TRIO: variants seen among roughly 807,000 people sequenced by gnomAD.
TRIO encodes triple functional domain protein.
A neutral mutation model predicts 351.9 loss-of-function variants in TRIO; 58 were observed. The observed-to-expected ratio is 0.16, with a 90% CI of 0.13 to 0.21. The LOEUF (loss-of-function observed/expected upper bound fraction) is 0.21. Among genes scored for constraint, TRIO ranks in the 10% least tolerant of loss-of-function variants. The probability of loss-of-function intolerance (pLI) is 1.00; values close to 1 mark genes in which losing one functional copy is unlikely to be tolerated. For missense variants in TRIO, 3,201 were observed against 4,027.8 expected, an observed-to-expected ratio of 0.79 and a Z score of 5.56; for synonymous variants, 1,758 against 1,595.7, an observed-to-expected ratio of 1.10 and a Z score of -2.42.
At position 14,143,774 on chromosome 5, in the gene TRIO, C is replaced by G; in HGVS notation, c.49C>G (p.Pro17Ala). 9.9e-7 allele frequency: 1 copy of G among 1,011,846 alleles called. No individual in the cohort carries two copies. The highest frequency in any genetic ancestry group is 1.2e-6 in the Non-Finnish European group (1 of 849,246). 62.7% of individuals were successfully genotyped at this position (1,011,846 alleles called of 1,614,324 possible). A position where few individuals can be genotyped will look rare whatever the true frequency, so the allele number is the denominator to read the frequency against. ...GAAAPAASSG[P>A]AAAASAAGSG... ...CGCCGCCCCCGCCGCGTCCTCCGGC[C>G]CCGCCGCGGCGGCCAGCGCGGCTGG... The change falls in exon 1 of 57, where the codon CCC (proline) becomes GCC (alanine). Residue 17 changes from proline to alanine, a missense_variant. By Grantham distance (27) the Pro-to-Ala change is conservative. Coordinates refer to ENST00000344204, the MANE Select transcript of TRIO (RefSeq NM_007118.4).
chr5:14,462,199 G>A (rs921701367), intron 35 of TRIO, among the ~76,000 whole-genome samples: 15 of 152,200 alleles, frequency 9.9e-5, no homozygotes, highest in African/African-American at 3.6e-4. Flanking sequence ...ATGAGATTTT[G>A]TTGCAGTGTG....
intron 11 of TRIO, among the ~76,000 whole-genome samples, chr5:14,340,110 C>A (rs1443305754): frequency 6.6e-6 from 1 of 152,134 alleles, no homozygotes; most frequent in Non-Finnish European, 1.5e-5. Flanking sequence ...AGTAGCTTGT[C>A]TTGGCTGGGC....
intron 1 of TRIO, among the ~76,000 whole-genome samples, chr5:14,243,130 GA>G (rs1473202005): frequency 6.6e-6 from 1 of 152,122 alleles, no homozygotes; most frequent in Non-Finnish European, 1.5e-5. Flanking sequence ...AGCCAGTGAA[GA>G]ATTCCGGGCA....
chr5:14,219,719 A>G (rs1792470149), intron 1 of TRIO, among the ~76,000 whole-genome samples: 1 of 152,194 alleles, frequency 6.6e-6, no homozygotes, highest in African/African-American at 2.4e-5. Flanking sequence ...AGGCATCAGA[A>G]TCTTTGGGAT....
chr5:14,471,541 G>T, intron 38 of TRIO, 75 bp downstream of exon 38: 1 of 1,582,062 alleles, frequency 6.3e-7, no homozygotes, highest in South Asian at 1.2e-5. Flanking sequence ...AAATGTGACT[G>T]AGATTCAGCT....
chr5:14,212,067 A>T (rs1278567668), intron 1 of TRIO, among the ~76,000 whole-genome samples: 1 of 152,040 alleles, frequency 6.6e-6, no homozygotes, highest in East Asian at 1.9e-4. Context: ...TGAGCTTGGG[A>T]GTTTGAGGCT....
At chr5:14,161,882 AT>A (rs1788478273) in intron 1 of TRIO, among the ~76,000 whole-genome samples, 2 of 152,122 alleles carry the variant, frequency 1.3e-5, no homozygotes, top group Admixed American at 1.3e-4. Context: ...GCATACCACT[AT>A]GCCTGGCTAG....
intron 1 of TRIO, among the ~76,000 whole-genome samples, chr5:14,148,232 CAT>C (rs762772437): frequency 5.9e-5 from 9 of 152,120 alleles, no homozygotes; most frequent in African/African-American, 1.2e-4. Flanking sequence ...ATGTGGTTTA[CAT>C]ATGTTTCCTA....
intron 1 of TRIO, among the ~76,000 whole-genome samples, chr5:14,261,115 T>A (rs190170384): frequency 1.3e-5 from 2 of 152,234 alleles, no homozygotes; most frequent in Non-Finnish European, 2.9e-5. Context: ...GGGTAGAGGC[T>A]ACTCATGTGG....
intron 34 of TRIO, among the ~76,000 whole-genome samples, chr5:14,431,316 C>T (rs1401689056): frequency 6.6e-6 from 1 of 152,222 alleles, no homozygotes; most frequent in African/African-American, 2.4e-5. Context: ...GGTCATTCCA[C>T]ATCACAGACT....
intron 1 of TRIO, among the ~76,000 whole-genome samples, chr5:14,148,596 AT>A (rs1787651689): frequency 1.3e-5 from 2 of 152,094 alleles, no homozygotes; most frequent in African/African-American, 2.4e-5. Flanking sequence ...ATTGGCTTTT[AT>A]TTCCTTAAGT....
chr5:14,399,430 A>G (rs556457118), intron 30 of TRIO: 19 of 315,762 alleles, frequency 6.0e-5, no homozygotes, highest in Non-Finnish European at 1.1e-4. Flanking sequence ...TAATTTTTCA[A>G]CCATAAACAT....
chr5:14,276,545 C>T (rs1735537289), intron 2 of TRIO, among the ~76,000 whole-genome samples: 1 of 152,238 alleles, frequency 6.6e-6, no homozygotes, highest in South Asian at 2.1e-4. Context: ...CAAACTGTGT[C>T]TTTCAGAGAT....
chr5:14,421,227 A>ATTTATTTAT (rs57377021), intron 34 of TRIO, among the ~76,000 whole-genome samples: 3,172 of 117,812 alleles, frequency 0.027, 141 homozygotes, highest in African/African-American at 0.1. Flanking sequence ...TTATTTATTT[A>ATTTATTTAT]TTTATTTTAT....
At chr5:14,229,244 G>A (rs1001888420) in intron 1 of TRIO, among the ~76,000 whole-genome samples, 2 of 152,110 alleles carry the variant, frequency 1.3e-5, no homozygotes, top group African/African-American at 2.4e-5. Context: ...GTAAATAGCC[G>A]GATAAATACT....
chr5:14,370,804 G>A (rs66554336), intron 18 of TRIO, among the ~76,000 whole-genome samples: 14,449 of 152,162 alleles, frequency 0.095, 1,052 homozygotes, highest in African/African-American at 0.21. Flanking sequence ...GCTGACCGCT[G>A]TTAGGATTTC....
intron 1 of TRIO, among the ~76,000 whole-genome samples, chr5:14,269,694 A>G (rs1795878373): frequency 6.6e-6 from 1 of 152,156 alleles, no homozygotes; most frequent in Admixed American, 6.5e-5. Context: ...TCCCTGTAGC[A>G]GGGCTTGCCC....
chr5:14,395,668 G>A (rs1747496209), intron 28 of TRIO, among the ~76,000 whole-genome samples: 1 of 152,212 alleles, frequency 6.6e-6, no homozygotes, highest in Non-Finnish European at 1.5e-5. Context: ...ACCACTGGGA[G>A]ACCAGTGCTG....
At chr5:14,413,829 G>A (rs1226573580) in intron 33 of TRIO, among the ~76,000 whole-genome samples, 3 of 152,150 alleles carry the variant, frequency 2.0e-5, no homozygotes, top group Non-Finnish European at 2.9e-5. Context: ...CAACATGATC[G>A]AAGTTACAGT....
Sources: gnomAD v4.1 joint callset for allele counts (sites outside exome capture counted in the v4.1 genomes callset) on GRCh38, gnomAD v4.1.1 for gene constraint, MANE v1.5 for transcripts, NCBI Gene and HGNC (gene_info 2026-07-23, HGNC 2026-07-21) for gene names.